HTR4: variants seen among roughly 807,000 people sequenced by gnomAD.
HTR4 encodes 5-hydroxytryptamine (serotonin) receptor 4, G protein-coupled.
HTR4 carries 16 observed loss-of-function variants against 36.8 expected under a neutral mutation model. The ratio of observed to expected loss-of-function variants is 0.43; its 90% CI spans 0.29 to 0.66. The LOEUF (loss-of-function observed/expected upper bound fraction) is 0.66. HTR4 is among the 30% of genes least tolerant of loss of function. The pLI is 0.13. For synonymous variants in HTR4, 189 were observed against 185.1 expected, an observed-to-expected ratio of 1.02 and a Z score of -0.17; for missense variants, 438 against 490.9, an observed-to-expected ratio of 0.89 and a Z score of 1.02.
chr5:148,618,882 C>T (rs1032681963), intron 2 of HTR4, among the ~76,000 whole-genome samples: 2 of 152,144 alleles, frequency 1.3e-5, no homozygotes, highest in African/African-American at 4.8e-5. Context: ...CTTTGGTGAC[C>T]ACAGAAGTAT....
At chr5:148,500,501 C>T (rs114011743) in intron 6 of HTR4, among the ~76,000 whole-genome samples, 5 of 151,816 alleles carry the variant, frequency 3.3e-5, no homozygotes, top group Admixed American at 1.3e-4. Context: ...TAGGCCAACT[C>T]TAAGAGGTCA....
chr5:148,559,322 T>A (rs1235142687), intron 2 of HTR4, among the ~76,000 whole-genome samples: 3 of 152,236 alleles, frequency 2.0e-5, no homozygotes, highest in Admixed American at 1.3e-4. Flanking sequence ...TGTGTGTGGC[T>A]TCTTCATTAC....
At chr5:148,645,905 C>T (rs1433343311) in intron 1 of HTR4, 3 of 152,214 alleles carry the variant, frequency 2.0e-5, no homozygotes, top group Non-Finnish European at 4.4e-5. Flanking sequence ...CCTCTGAAGA[C>T]TGAGCCTGAA....
chr5:148,532,990 G>A (rs1439612961), intron 4 of HTR4, among the ~76,000 whole-genome samples: 1 of 152,164 alleles, frequency 6.6e-6, no homozygotes, highest in Non-Finnish European at 1.5e-5. Context: ...TAGGCTAGGA[G>A]GAGTTACCAA....
intron 6 of HTR4, among the ~76,000 whole-genome samples, chr5:148,507,074 C>T (rs1160670274): frequency 3.3e-5 from 5 of 152,032 alleles, no homozygotes; most frequent in South Asian, 2.1e-4. Flanking sequence ...CACATGCACA[C>T]GTATGTTTAT....
At position 148,548,868 on chromosome 5, in the gene HTR4, C is replaced by T. The variant is rs1221737892; in HGVS notation, c.153G>A (p.Arg51=). The T allele has an allele frequency of 1.9e-6, 3 of 1,611,648 alleles. No individual in the cohort carries two copies. Among genetic ancestry groups the T allele is most frequent in the Non-Finnish European group, 1.7e-6 (2 of 1,178,650 alleles). Residue 51 remains arginine (R), a splice_region_variant and synonymous_variant, in exon 4 of 7, where the codon AGG becomes AGA. Transcript: ENST00000377888. ...MVAVCWDRQL[R]KIKTNYFIVS... ...CAATGAAATAATTTGTTTTTATTTTCCTGTGAGTGAAAAAGTGTAAGAGAG... is the reference window on the plus strand; with the variant it reads ...CAATGAAATAATTTGTTTTTATTTTTCTGTGAGTGAAAAAGTGTAAGAGAG...
At chr5:148,518,717 C>T (rs1248107557) in intron 5 of HTR4, among the ~76,000 whole-genome samples, 2 of 152,156 alleles carry the variant, frequency 1.3e-5, no homozygotes, top group Non-Finnish European at 2.9e-5. Flanking sequence ...TTGCTCACTG[C>T]TGTCTGTAAT....
chr5:148,529,459 T>C (rs892467372), intron 4 of HTR4, among the ~76,000 whole-genome samples: 1 of 152,206 alleles, frequency 6.6e-6, no homozygotes, highest in Non-Finnish European at 1.5e-5. Flanking sequence ...GGAATTTCCC[T>C]GCACAATCTC....
chr5:148,472,640 G>A (rs1439198576), downstream of HTR4, among the ~76,000 whole-genome samples: 2 of 152,182 alleles, frequency 1.3e-5, no homozygotes, highest in South Asian at 4.1e-4. Context: ...AAACAGGTCA[G>A]GGTAGGCTCC....
chr5:148,518,681 C>T (rs955352142), intron 5 of HTR4, among the ~76,000 whole-genome samples: 2 of 152,180 alleles, frequency 1.3e-5, no homozygotes, highest in Non-Finnish European at 2.9e-5. Context: ...CCTCTCTGAC[C>T]TCTACTTTTC....
At chr5:148,525,920 A>G (rs1758246646) in intron 4 of HTR4, among the ~76,000 whole-genome samples, 1 of 152,180 alleles carries the variant, frequency 6.6e-6, no homozygotes, top group Non-Finnish European at 1.5e-5. Context: ...TTATGAAAAG[A>G]AAAATTTTGA....
At chr5:148,519,703 A>T (rs571639058) in intron 5 of HTR4, among the ~76,000 whole-genome samples, 29 of 152,306 alleles carry the variant, frequency 1.9e-4, no homozygotes, top group Admixed American at 5.9e-4. Flanking sequence ...GTTTCCTGAT[A>T]GGTGTGTTTC....
chr5:148,624,864 A>G (rs1382125287), intron 2 of HTR4, among the ~76,000 whole-genome samples: 3 of 152,210 alleles, frequency 2.0e-5, no homozygotes, highest in Non-Finnish European at 4.4e-5. Context: ...GGCTTTATCA[A>G]TGTTTTTTAA....
In HTR4 at chr5:148,639,506, G is replaced by C. The variant is rs1019834098; in HGVS notation, c.-47-2445C>G. Among the ~76,000 whole-genome samples the C allele has an allele frequency of 2.0e-5, 3 of 151,426 alleles. No individual in the cohort carries two copies. The South Asian group carries it at 6.3e-4, about 32-fold the overall frequency. Reference sequence around the variant, plus strand: ...ACTCTCTCACTTCCTTAGGGGTGCCGCTCAAATATCACTTCCTCAGACAGG... The same window carrying C: ...ACTCTCTCACTTCCTTAGGGGTGCCCCTCAAATATCACTTCCTCAGACAGG... On this transcript the variant is annotated intron_variant, in intron 1 of 6. Transcript: ENST00000377888.
downstream of HTR4, among the ~76,000 whole-genome samples, chr5:148,478,530 GC>G (rs1488581339): frequency 1.3e-5 from 2 of 152,092 alleles, no homozygotes; most frequent in Non-Finnish European, 2.9e-5. Flanking sequence ...ATAGTTCATG[GC>G]AGTATTATGA....
At chr5:148,463,821 C>T (rs1343700289) in intron 5 of HTR4, among the ~76,000 whole-genome samples, 1 of 151,562 alleles carries the variant, frequency 6.6e-6, no homozygotes, top group East Asian at 1.9e-4. Context: ...CTGATACTAC[C>T]CAACTTCAAG....
At chr5:148,606,354 T>G (rs1488698303) in intron 2 of HTR4, among the ~76,000 whole-genome samples, 1 of 152,152 alleles carries the variant, frequency 6.6e-6, no homozygotes, top group Non-Finnish European at 1.5e-5. Flanking sequence ...ATAACAAGAC[T>G]GCAGATAGGC....
At chr5:148,501,583 A>G (rs1250123456) in intron 6 of HTR4, among the ~76,000 whole-genome samples, 1 of 152,222 alleles carries the variant, frequency 6.6e-6, no homozygotes, top group Non-Finnish European at 1.5e-5. Context: ...TTAAGTTCCT[A>G]TTACATATCA....
downstream of HTR4, chr5:148,476,778 T>G (rs781072939): frequency 6.2e-7 from 1 of 1,612,930 alleles, no homozygotes; most frequent in South Asian, 1.1e-5. Flanking sequence ...ACGTAATTAA[T>G]GAACCACACT....
Sources: allele counts gnomAD v4.1 joint callset (sites outside exome capture counted in the v4.1 genomes callset), GRCh38; gene constraint gnomAD v4.1.1; transcripts MANE v1.5; gene names NCBI Gene and HGNC (gene_info 2026-07-23, HGNC 2026-07-21).